RFC5: variants seen among roughly 807,000 people sequenced by gnomAD.
RFC5 encodes the protein replication factor C subunit 5.
Under a neutral mutation model 44.3 loss-of-function variants are expected in RFC5, and 26 were observed. That is an observed-to-expected ratio of 0.59 (90% CI 0.43 to 0.81). The LOEUF is 0.81. Among genes scored for constraint, RFC5 ranks in the 40% least tolerant of loss-of-function variants. The pLI is 0.00. For synonymous variants in RFC5, 155 were observed against 155.2 expected (o/e 1.00, Z 0.01); for missense variants, 328 against 418.6 (o/e 0.78, Z 1.89).
At chr12:118,038,473 C>A in the RFC5 span, 8 of 1,306,482 alleles carry the variant, frequency 6.1e-6, no homozygotes, top group Non-Finnish European at 7.5e-6. Context: ...TGGTAACAGC[C>A]CCCAGCCCAG....
At chr12:118,034,894 C>G, downstream of RFC5, 1 of 1,262,218 alleles carries the variant, frequency 7.9e-7, no homozygotes, top group Non-Finnish European at 1.1e-6. Flanking sequence ...TCCTCATAGG[C>G]AAGAAAATTC....
At chr12:118,025,429 C>T (rs1050969478) in intron 6 of RFC5, 6 of 344,272 alleles carry the variant, frequency 1.7e-5, no homozygotes, top group Non-Finnish European at 3.2e-5. Flanking sequence ...GGAGGAGTTT[C>T]GGCTGTGTGA....
chr12:118,016,729 A>G lies in RFC5; in HGVS notation c.-99A>G. ...AGAGTTGCTTTTGCGCGCGAACTGT[A>G]AGTGCCAGGGTCTCAGGGTCAGGTC... On this transcript the variant is annotated 5_prime_UTR_variant, in exon 1 of 11. Coordinates refer to ENST00000454402, the MANE Select transcript of RFC5 (RefSeq NM_007370.7). The G allele has an allele frequency of 1.0e-6, 1 of 963,988 alleles. No individual in the cohort carries two copies. Among genetic ancestry groups the G allele is most frequent in the South Asian group, 1.4e-5 (1 of 70,636 alleles). 59.7% of individuals were successfully genotyped at this position (963,988 alleles called of 1,614,324 possible). A position where few individuals can be genotyped will look rare whatever the true frequency, so the allele number is the denominator to read the frequency against.
intron 8 of RFC5, 121 bp from the exon 9 acceptor site, chr12:118,027,832 A>G: frequency 1.5e-6 from 1 of 648,284 alleles, no homozygotes; most frequent in South Asian, 1.8e-5. Flanking sequence ...TTGAAAGAGA[A>G]ACAGTTGTGT....
downstream of RFC5, chr12:118,034,832 T>C: frequency 1.5e-6 from 1 of 688,518 alleles, no homozygotes. Flanking sequence ...ACACCGTTAT[T>C]AGCAAAATCG....
rs1352091516 is a variant in RFC5, at chr12:118,032,180, A to C, written c.*902A>C. 6.6e-6 allele frequency: 1 copy of C among 152,246 alleles called. No individual in the cohort carries two copies. Among genetic ancestry groups the C allele is most frequent in the Non-Finnish European group, 1.5e-5 (1 of 68,038 alleles). The allele number at this position is 152,246 out of a possible 1,614,324, so 9.4% of individuals were successfully genotyped here. ...ACTTTGTCAAACTTGCATTTATATG[A>C]AAACCTTCTGTCTCTAATATCACAG... On this transcript the variant is annotated 3_prime_UTR_variant, in exon 11 of 11. Transcript: ENST00000454402.
chr12:118,034,574 G>GGTCTCTCTCTCTCTCTCTCTCTCT, downstream of RFC5: 1 of 528,462 alleles, frequency 1.9e-6, no homozygotes, highest in Non-Finnish European at 3.3e-6. Flanking sequence ...ATACCAAAGC[G>GGTCTCTCTCTCTCTCTCTCTCTCT]CTCTCTCTGT....
intron 8 of RFC5, 23 bp from the exon 9 acceptor site, chr12:118,027,930 C>CT: frequency 6.6e-7 from 1 of 1,508,624 alleles, no homozygotes; most frequent in Non-Finnish European, 9.2e-7. Context: ...AACTTGTTCC[C>CT]TTTGCCTTAA....
chr12:118,026,917 C>A lies in RFC5; in HGVS notation c.692C>A (p.Thr231Lys), dbSNP rs770380138. 1 of 1,614,068 alleles carries A rather than the reference C, an allele frequency of 6.2e-7. No homozygotes were observed. Residue 231 changes from threonine to lysine, a missense_variant, in exon 8 of 11, where the codon ACA becomes AAA. By Grantham distance (78) the Thr-to-Lys change is moderately conservative. Coordinates refer to ENST00000454402, the MANE Select transcript of RFC5 (RefSeq NM_007370.7). The stretch of plus-strand genomic sequence containing the variant: ...ACCAATATGGCCTTTGGGAAGGTGA[C>A]AGAGGAGACTGTCTACACCTGCACC... ...QSTNMAFGKV[T>K]EETVYTCTGH... is the part of the protein sequence containing the mutation.
chr12:118,017,001 C>T, intron 1 of RFC5, 109 bp downstream of exon 1: 6 of 858,038 alleles, frequency 7.0e-6, no homozygotes, highest in Non-Finnish European at 1.1e-5. Context: ...CTCTTCCCGT[C>T]GTCTCCAGGC....
downstream of RFC5, chr12:118,035,241 A>G: frequency 6.2e-7 from 1 of 1,614,210 alleles, no homozygotes; most frequent in Non-Finnish European, 8.5e-7. Context: ...GGCAAGGTAC[A>G]AGCCTTCTGG....
chr12:118,034,188 G>A (rs1034671873), downstream of RFC5: 13 of 1,614,054 alleles, frequency 8.1e-6, no homozygotes, highest in Middle Eastern at 1.7e-4. Context: ...CACAAGATGT[G>A]GTGTTGCTTA....
At chr12:118,023,503 G>A (rs2030694957) in intron 5 of RFC5, among the ~76,000 whole-genome samples, 1 of 138,288 alleles carries the variant, frequency 7.2e-6, no homozygotes, top group Non-Finnish European at 1.6e-5. Flanking sequence ...AGGAGGAGAG[G>A]TGGGGGAGGA....
chr12:118,035,396 C>T, downstream of RFC5: 1 of 1,417,540 alleles, frequency 7.1e-7, no homozygotes, highest in Non-Finnish European at 9.9e-7. Flanking sequence ...TCACCCTAGG[C>T]AGGAAGCCAA....
chr12:118,021,113 C>T, intron 4 of RFC5, 128 bp downstream of exon 4: 1 of 571,158 alleles, frequency 1.8e-6, no homozygotes, highest in Non-Finnish European at 3.1e-6. Context: ...CCAAAGCAAC[C>T]ATGGAAAAGA....
chr12:118,038,393 C>T, the RFC5 span: 1 of 1,613,044 alleles, frequency 6.2e-7, no homozygotes, highest in South Asian at 1.1e-5. Context: ...GTTTACCTGG[C>T]AGGAAAAAGA....
At chr12:118,038,605 C>T in the RFC5 span, among the ~76,000 whole-genome samples, 5 of 152,290 alleles carry the variant, frequency 3.3e-5, no homozygotes, top group East Asian at 1.9e-4. Flanking sequence ...TAATTCCCCA[C>T]GGAAACCAGT....
At chr12:118,024,809 G>T (rs781563802) in intron 5 of RFC5, 42 bp from the exon 6 acceptor site, 1 of 1,554,132 alleles carries the variant, frequency 6.4e-7, no homozygotes, top group Non-Finnish European at 8.7e-7. Context: ...TGAAAAATCA[G>T]AATGGACTTT....
chr12:118,027,711 T>A (rs187951264), intron 8 of RFC5, among the ~76,000 whole-genome samples: 1 of 151,428 alleles, frequency 6.6e-6, no homozygotes, highest in South Asian at 2.1e-4. Flanking sequence ...GAAAACGCAG[T>A]TGGCTTTATT....
Sources: gnomAD v4.1 joint callset for allele counts (sites outside exome capture counted in the v4.1 genomes callset) on GRCh38, gnomAD v4.1.1 for gene constraint, MANE v1.5 for transcripts, NCBI Gene and HGNC (gene_info 2026-07-23, HGNC 2026-07-21) for gene names.